PCYT1A: variants seen among roughly 807,000 people sequenced by gnomAD.
The protein encoded by PCYT1A is choline-phosphate cytidylyltransferase A.
Under a neutral mutation model 43.7 loss-of-function variants are expected in PCYT1A, and 25 were observed. That is an observed-to-expected ratio of 0.57 (90% CI 0.42 to 0.80). PCYT1A has a LOEUF of 0.80. PCYT1A is among the 30% of genes least tolerant of loss of function. PCYT1A has a pLI of 0.00. For missense variants in PCYT1A, 421 were observed against 474.2 expected (o/e 0.89, Z 1.04); for synonymous variants, 172 against 170.7 (o/e 1.01, Z -0.06).
At chr3:196,257,472 T>G (rs1477107487) in intron 3 of PCYT1A, among the ~76,000 whole-genome samples, 1 of 152,232 alleles carries the variant, frequency 6.6e-6, no homozygotes, top group Non-Finnish European at 1.5e-5. Context: ...ACACATGATT[T>G]GGACTTTATA....
intron 3 of PCYT1A, chr3:196,251,232 T>A (rs1224273972): frequency 5.8e-6 from 1 of 173,572 alleles, no homozygotes; most frequent in Non-Finnish European, 1.2e-5. Context: ...AGATACACCA[T>A]GCTGAGGCTG....
chr3:196,239,660 C>A lies in PCYT1A; in HGVS notation c.784G>T (p.Glu262Ter). 1 of 1,611,704 alleles carries A rather than the reference C, an allele frequency of 6.2e-7. No homozygotes were observed. The highest frequency in any genetic ancestry group is 8.5e-7 in the Non-Finnish European group (1 of 1,177,750). Residue 262 changes from glutamate (E) to a stop codon, truncating the protein, a stop_gained, in exon 8 of 9, where the codon GAA becomes TAA. Transcript: ENST00000431016. LOFTEE classifies it high-confidence loss of function. ...TTTTCCTCCACCTTCTGAACAAATT[C>A]TTTTGACTTTTCCTCCACATCTTTC... Reference protein sequence around the residue: ...KVKDVEEKSKEFVQKVEEKSI... With the variant: ...KVKDVEEKSK
intron 2 of PCYT1A, among the ~76,000 whole-genome samples, chr3:196,269,517 T>C (rs1725371275): frequency 6.6e-6 from 1 of 152,122 alleles, no homozygotes; most frequent in South Asian, 2.1e-4. Context: ...ATGTTTTTAT[T>C]ATGGAAAGTT....
At position 196,252,069 on chromosome 3, in the gene PCYT1A, C is replaced by T. The variant is rs1724811796; in HGVS notation, c.218-3746G>A. 6.6e-6 allele frequency among the ~76,000 whole-genome samples: 1 copy of T among 150,482 alleles called. No homozygotes were observed. Among genetic ancestry groups the T allele is most frequent in the Admixed American group, 6.6e-5 (1 of 15,204 alleles). On this transcript the variant is annotated intron_variant, in intron 3 of 8. Transcript: ENST00000431016. This position sits in a 1 kb window ranked among gnomAD's most constrained non-coding sequence, Gnocchi z 4.0. ...GGACTACAGCGCACACCACCACGCC[C>T]CGCTGACTACAGCGCACCCCGCCAC...
intron 1 of PCYT1A, among the ~76,000 whole-genome samples, chr3:196,280,289 C>T (rs1725727619): frequency 6.6e-6 from 1 of 152,124 alleles, no homozygotes; most frequent in Admixed American, 6.6e-5. Context: ...ATGCCTGAAC[C>T]CCTAGAGAGT....
intron 2 of PCYT1A, among the ~76,000 whole-genome samples, chr3:196,260,580 C>T (rs534936108): frequency 3.9e-5 from 6 of 152,284 alleles, no homozygotes; most frequent in South Asian, 2.1e-4. Context: ...CGGTAACTCA[C>T]GCCTGTAATC....
rs1398492120 is a variant in PCYT1A, at chr3:196,237,926, C to CA, written c.*761dup. 6.6e-6 allele frequency: 1 copy of CA among 152,190 alleles called. No individual in the cohort carries two copies. The highest frequency in any genetic ancestry group is 1.5e-5 in the Non-Finnish European group (1 of 68,042). The allele number at this position is 152,190 out of a possible 1,614,324, so 9.4% of individuals were successfully genotyped here. A position where few individuals can be genotyped will look rare whatever the true frequency, so the allele number is the denominator to read the frequency against. ...CACGAAAGAGACTGACAAAAGCTCC[C>CA]AAAGAACTGGGTCACAGAGTTTTCT... On this transcript the variant is annotated 3_prime_UTR_variant, in exon 9 of 9. Transcript: ENST00000431016.
rs1724159146 is a variant in PCYT1A, at chr3:196,236,238, G to T, written c.*2450C>A. The T allele has an allele frequency of 6.6e-6, 1 of 152,186 alleles. No homozygotes were observed. The allele number at this position is 152,186 out of a possible 1,614,324, so 9.4% of individuals were successfully genotyped here. A position where few individuals can be genotyped will look rare whatever the true frequency, so the allele number is the denominator to read the frequency against. On this transcript the variant is annotated 3_prime_UTR_variant, in exon 9 of 9. Coordinates refer to ENST00000431016, the MANE Select transcript of PCYT1A (RefSeq NM_001312673.2). The stretch of plus-strand genomic sequence containing the variant: ...AGGGAGGAGGAAAACCACGTTCCGG[G>T]CATCTCCCTGTCTATCCAAATACAC...
At chr3:196,240,450 C>A (rs1033367500) in intron 7 of PCYT1A, among the ~76,000 whole-genome samples, 1 of 152,014 alleles carries the variant, frequency 6.6e-6, no homozygotes, top group Non-Finnish European at 1.5e-5. Flanking sequence ...TTTGGGAAGC[C>A]GAAGTGGGAG....
chr3:196,252,246 T>TTTTA lies in PCYT1A; in HGVS notation c.218-3927_218-3924dup, dbSNP rs913608756. On this transcript the variant is annotated intron_variant, in intron 3 of 8. Transcript: ENST00000431016. This position sits in a 1 kb window ranked among gnomAD's most constrained non-coding sequence, Gnocchi z 4.0. ...CACATGTTGCCCAAGCTAGTTGTAT[T>TTTTA]TTTATTTATTTATTTATTTGAGATG... Among the ~76,000 whole-genome samples the TTTTA allele has an allele frequency of 3.9e-5, 6 of 152,076 alleles. No individual in the cohort carries two copies. The highest frequency in any genetic ancestry group is 2.0e-4 in the Admixed American group (3 of 15,264).
At chr3:196,241,564 G>A (rs2108762392) in intron 7 of PCYT1A, 1 of 1,298,886 alleles carries the variant, frequency 7.7e-7, no homozygotes, top group South Asian at 1.2e-5. Flanking sequence ...GGTCTGTGTG[G>A]GAAGTGGTGT....
chr3:196,242,334 AAG>A lies in PCYT1A; in HGVS notation c.565+226_565+227del, dbSNP rs1398702155. The stretch of plus-strand genomic sequence containing the variant: ...ATATGAGAAAGGGTTTCCTGAAATT[AAG>A]AGAGATATCCAAAGTAGATGTTTAG... On this transcript the variant is annotated intron_variant, in intron 6 of 8. Transcript: ENST00000431016. The surrounding 1 kb of genome is among the most constrained non-coding windows in gnomAD (Gnocchi z 4.2). 12 of 665,564 alleles carry A rather than the reference AAG, an allele frequency of 1.8e-5. No individual in the cohort carries two copies. Among genetic ancestry groups the A allele is most frequent in the Middle Eastern group, 2.8e-4 (1 of 3,530 alleles). 41.2% of individuals were successfully genotyped at this position (665,564 alleles called of 1,614,324 possible).
intron 2 of PCYT1A, among the ~76,000 whole-genome samples, chr3:196,267,021 TA>T (rs1021211761): frequency 1.3e-5 from 2 of 150,270 alleles, no homozygotes; most frequent in African/African-American, 4.9e-5. Flanking sequence ...AAATAAAAAT[TA>T]AAAAAAATCA....
At position 196,282,077 on chromosome 3, in the gene PCYT1A, T is replaced by C. The variant is rs1214689431; in HGVS notation, c.-11+5538A>G. Among the ~76,000 whole-genome samples the C allele has an allele frequency of 2.6e-5, 4 of 152,234 alleles. No individual in the cohort carries two copies. The highest frequency in any genetic ancestry group is 5.9e-5 in the Non-Finnish European group (4 of 68,046). On this transcript the variant is annotated intron_variant, in intron 1 of 8. Transcript: ENST00000431016. The surrounding 1 kb of genome is among the most constrained non-coding windows in gnomAD (Gnocchi z 4.3). ...AACTAAAGTTCAACGTTACTTGTCA[T>C]GAGCCCTATAAACTGTCACATTTAA...
rs148463305 is a variant in PCYT1A, at chr3:196,250,241, G to A, written c.218-1918C>T. The stretch of plus-strand genomic sequence containing the variant: ...ACACCATGCCGAGGCTGAGGACCAG[G>A]TACACCATGCCGAGGCTGAGGACCA... On this transcript the variant is annotated intron_variant, in intron 3 of 8. Coordinates refer to ENST00000431016, the MANE Select transcript of PCYT1A (RefSeq NM_001312673.2). Among the ~76,000 whole-genome samples, 130 of 100,292 alleles carry A rather than the reference G, an allele frequency of 1.3e-3. 1 individual carries two copies. Among genetic ancestry groups the A allele is most frequent in the South Asian group, 2.6e-3 (6 of 2,306 alleles). The allele number at this position is 100,292 out of a possible 152,430, so 65.8% of individuals were successfully genotyped here.
rs184946713 is a variant in PCYT1A, at chr3:196,274,888, T to C, written c.-10-4347A>G. 1.6e-3 allele frequency among the ~76,000 whole-genome samples: 248 copies of C among 152,268 alleles called. 2 individuals are homozygous for C. Among genetic ancestry groups the C allele is most frequent in the African/African-American group, 5.0e-3 (207 of 41,562 alleles). On this transcript the variant is annotated intron_variant, in intron 1 of 8. Coordinates refer to ENST00000431016, the MANE Select transcript of PCYT1A (RefSeq NM_001312673.2). ...AACTTCCTTTCATCACAAATGCAAA[T>C]TAAAATGGAAGAAGGGTTCTATACA...
rs1577352201 is a variant in PCYT1A, at chr3:196,238,872, T to C, written c.920A>G (p.Lys307Arg). 3.4e-6 allele frequency: 5 copies of C among 1,456,686 alleles called. No homozygotes were observed. The highest frequency in any genetic ancestry group is 4.5e-6 in the Non-Finnish European group (5 of 1,102,952). 90.2% of individuals were successfully genotyped at this position (1,456,686 alleles called of 1,614,324 possible). The change falls in exon 9 of 9, where the codon AAG (lysine) becomes AGG (arginine). Residue 307 changes from lysine to arginine, a missense_variant. Lys to Arg is a conservative substitution (Grantham distance 26). This residue lies in a region of PCYT1A where 108 missense variants were observed against 85.7 expected (regional missense o/e 1.26). Transcript: ENST00000431016. ...GALKHMLKEG[K>R]GRMLQAISPK... is the part of the protein sequence containing the mutation. ...GCTGATGGCCTGCAGCATCCGGCCC[T>C]TCCCCTCTTTCAGCATATGTTTCTG...
chr3:196,264,069 T>C (rs1463495778), intron 2 of PCYT1A, among the ~76,000 whole-genome samples: 2 of 152,186 alleles, frequency 1.3e-5, no homozygotes, highest in Non-Finnish European at 2.9e-5. Context: ...GAACCTGTAC[T>C]AAGTTAAACT....
chr3:196,244,186 A>T (rs932957675), intron 5 of PCYT1A, among the ~76,000 whole-genome samples: 2 of 114,830 alleles, frequency 1.7e-5, no homozygotes, highest in African/African-American at 6.9e-5. Context: ...CCCGACCGCC[A>T]CCCAGTCTTG....
Sources: allele counts gnomAD v4.1 joint callset (sites outside exome capture counted in the v4.1 genomes callset), GRCh38; gene constraint gnomAD v4.1.1; regional missense constraint gnomAD v4.1.1; non-coding constraint Gnocchi (gnomAD v3.1); transcripts MANE v1.5; gene names NCBI Gene and HGNC (gene_info 2026-07-23, HGNC 2026-07-21).